The following GNAQ variants were observed in gnomAD, a reference collection of about 807,000 sequenced individuals.
The protein encoded by GNAQ is G protein subunit alpha q, also known as guanine nucleotide-binding protein G(q) subunit alpha.
A neutral mutation model predicts 43.9 loss-of-function variants in GNAQ; 8 were observed. The ratio of observed to expected loss-of-function variants is 0.18; its 90% CI spans 0.11 to 0.33. The LOEUF (loss-of-function observed/expected upper bound fraction) is 0.33. Ranked by LOEUF, GNAQ falls within the 10% of genes least tolerant of loss-of-function variation. The pLI is 1.00. For synonymous variants in GNAQ, 155 were observed against 170.7 expected, an observed-to-expected ratio of 0.91 and a Z score of 0.71; for missense variants, 158 against 450.8, an observed-to-expected ratio of 0.35 and a Z score of 5.88.
At chr9:77,954,690 T>C (rs1466508101) in intron 1 of GNAQ, among the ~76,000 whole-genome samples, 3 of 152,200 alleles carry the variant, frequency 2.0e-5, no homozygotes, top group South Asian at 4.1e-4. Flanking sequence ...ATCCTCTACC[T>C]GAATTCCTCA....
At chr9:77,934,500 AG>A (rs1197578353) in intron 1 of GNAQ, among the ~76,000 whole-genome samples, 4 of 152,072 alleles carry the variant, frequency 2.6e-5, no homozygotes, top group African/African-American at 7.2e-5. Context: ...AGGGGAATTA[AG>A]GTGCTAGAGG....
intron 1 of GNAQ, among the ~76,000 whole-genome samples, chr9:77,985,344 TAG>T (rs1312884443): frequency 6.6e-6 from 1 of 152,056 alleles, no homozygotes; most frequent in Non-Finnish European, 1.5e-5. Context: ...AAAGAGTTTG[TAG>T]AGTTTTGTTT....
At chr9:77,775,279 C>T (rs1826289372) in intron 5 of GNAQ, among the ~76,000 whole-genome samples, 1 of 152,074 alleles carries the variant, frequency 6.6e-6, no homozygotes, top group Non-Finnish European at 1.5e-5. Flanking sequence ...AACATTTCTA[C>T]CAGTGGCATT....
At chr9:77,895,567 T>C (rs1438068307) in intron 2 of GNAQ, among the ~76,000 whole-genome samples, 1 of 152,160 alleles carries the variant, frequency 6.6e-6, no homozygotes, top group Non-Finnish European at 1.5e-5. Context: ...CTCAGAAGAA[T>C]CCAACATGGC....
intron 2 of GNAQ, among the ~76,000 whole-genome samples, chr9:77,893,283 G>A (rs1255189347): frequency 2.0e-5 from 3 of 152,168 alleles, no homozygotes; most frequent in African/African-American, 4.8e-5. Context: ...TAAGATGTCC[G>A]TGAAAGTGAG....
chr9:77,835,761 G>A (rs911239177), intron 2 of GNAQ, among the ~76,000 whole-genome samples: 1 of 152,144 alleles, frequency 6.6e-6, no homozygotes, highest in African/African-American at 2.4e-5. Flanking sequence ...GAATTGCAGA[G>A]CCAAGATTTA....
At chr9:77,751,597 A>T (rs1825811881) in intron 5 of GNAQ, among the ~76,000 whole-genome samples, 2 of 152,224 alleles carry the variant, frequency 1.3e-5, no homozygotes, top group African/African-American at 4.8e-5. Context: ...GGGGATGGAC[A>T]GAGACGTGGA....
chr9:77,934,601 T>G (rs1354713405), intron 1 of GNAQ, among the ~76,000 whole-genome samples: 1 of 152,198 alleles, frequency 6.6e-6, no homozygotes, highest in African/African-American at 2.4e-5. Flanking sequence ...GAACATGGCA[T>G]GCTTTCTGGG....
chr9:77,801,031 G>A (rs1351850218), intron 3 of GNAQ, among the ~76,000 whole-genome samples: 1 of 152,194 alleles, frequency 6.6e-6, no homozygotes, highest in Non-Finnish European at 1.5e-5. Flanking sequence ...TGTAATGGAA[G>A]GTGCTGTGGT....
chr9:77,771,058 TC>T (rs1220667162), intron 5 of GNAQ, among the ~76,000 whole-genome samples: 1 of 152,210 alleles, frequency 6.6e-6, no homozygotes, highest in African/African-American at 2.4e-5. Flanking sequence ...CTATCCATTA[TC>T]CCAGTTCAAT....
At chr9:77,902,877 C>CT (rs780004589) in intron 2 of GNAQ, among the ~76,000 whole-genome samples, 12 of 152,170 alleles carry the variant, frequency 7.9e-5, no homozygotes, top group Non-Finnish European at 1.8e-4. Context: ...TCACAGCTTT[C>CT]TTTTACTTCA....
At chr9:77,922,573 G>A (rs577324391) in intron 1 of GNAQ, among the ~76,000 whole-genome samples, 9 of 152,182 alleles carry the variant, frequency 5.9e-5, no homozygotes, top group South Asian at 2.1e-4. Context: ...ACCCAAACCC[G>A]TCACCTCCTT....
In GNAQ at chr9:77,958,470, A is replaced by G. The variant is rs117978483; in HGVS notation, c.137-36125T>C. Among the ~76,000 whole-genome samples, 1,382 of 152,356 alleles carry G rather than the reference A, an allele frequency of 9.1e-3. 24 individuals carry two copies. The highest frequency in any genetic ancestry group is 0.038 in the Admixed American group (584 of 15,308). On this transcript the variant is annotated intron_variant, in intron 1 of 6. Transcript: ENST00000286548. The stretch of plus-strand genomic sequence containing the variant: ...ACTTTCATATTCTGCAATATTGTGA[A>G]TTACTCTGTCCTATTCACTAATGGG...
chr9:77,908,985 T>A (rs977515154), intron 2 of GNAQ, among the ~76,000 whole-genome samples: 2 of 152,212 alleles, frequency 1.3e-5, no homozygotes, highest in South Asian at 4.1e-4. Flanking sequence ...CCCAAAGCTG[T>A]CATCACTGGA....
intron 1 of GNAQ, among the ~76,000 whole-genome samples, chr9:77,989,185 G>A (rs1055881775): frequency 1.3e-5 from 2 of 151,976 alleles, no homozygotes; most frequent in African/African-American, 4.8e-5. Context: ...TGACAGACAC[G>A]TTTTATGATC....
intron 1 of GNAQ, among the ~76,000 whole-genome samples, chr9:78,004,886 AGTGTCCTC>A (rs1166660437): frequency 6.6e-6 from 1 of 151,990 alleles, no homozygotes; most frequent in South Asian, 2.1e-4. Flanking sequence ...GAAAAGGGTT[AGTGTCCTC>A]ATTTGGCTAA....
intron 1 of GNAQ, among the ~76,000 whole-genome samples, chr9:78,029,468 TA>T (rs11322460): frequency 0.22 from 31,776 of 147,684 alleles, 3,507 homozygotes; most frequent in South Asian, 0.38. Context: ...AAATGAGAAT[TA>T]AAAAAAAAAA....
chr9:77,819,651 G>A (rs1057272948), intron 2 of GNAQ, among the ~76,000 whole-genome samples: 1 of 151,996 alleles, frequency 6.6e-6, no homozygotes, highest in African/African-American at 2.4e-5. Flanking sequence ...CAGAAAAAGT[G>A]CAAGCCAGCA....
intron 6 of GNAQ, among the ~76,000 whole-genome samples, chr9:77,727,962 C>T (rs1825424077): frequency 1.3e-5 from 2 of 152,098 alleles, no homozygotes; most frequent in South Asian, 2.1e-4. Flanking sequence ...CTGGATTGTT[C>T]CTTTTTCTGA....
Sources: gnomAD v4.1 joint callset for allele counts (sites outside exome capture counted in the v4.1 genomes callset) on GRCh38, gnomAD v4.1.1 for gene constraint, MANE v1.5 for transcripts, NCBI Gene and HGNC (gene_info 2026-07-23, HGNC 2026-07-21) for gene names.